Variants in LINGO2 observed in about 807,000 individuals in gnomAD.
LINGO2 encodes the protein leucine-rich repeat and immunoglobulin-like domain-containing nogo receptor-interacting protein 2.
In LINGO2, 14 loss-of-function variants were observed where a neutral mutation model predicts 30.6. The observed-to-expected ratio is 0.46, with a 90% CI of 0.30 to 0.72. LINGO2 has a LOEUF of 0.72. LINGO2 is among the 30% of genes least tolerant of loss of function. The pLI is 0.07. For missense variants in LINGO2, 729 were observed against 751.7 expected, an observed-to-expected ratio of 0.97 and a Z score of 0.35; for synonymous variants, 317 against 288.5, an observed-to-expected ratio of 1.10 and a Z score of -1.00.
intron 4 of LINGO2, among the ~76,000 whole-genome samples, chr9:28,233,236 T>A (rs769716982): frequency 6.6e-5 from 10 of 151,710 alleles, no homozygotes; most frequent in Non-Finnish European, 1.2e-4. Flanking sequence ...TCCCATTCCC[T>A]TTAATAAGTG....
At chr9:28,930,199 T>A in the LINGO2 span, among the ~76,000 whole-genome samples, 1 of 152,028 alleles carries the variant, frequency 6.6e-6, no homozygotes, top group African/African-American at 2.4e-5. This position sits in a 1 kb window ranked among gnomAD's most constrained non-coding sequence, Gnocchi z 4.2. Context: ...GTACTTCTCA[T>A]GCACAAGGGG....
At chr9:29,098,270 C>T in the LINGO2 span, among the ~76,000 whole-genome samples, 1 of 152,252 alleles carries the variant, frequency 6.6e-6, no homozygotes, top group Admixed American at 6.5e-5. Flanking sequence ...CTCCTGGAGT[C>T]TCATCCGTGT....
At chr9:29,110,624 G>A in the LINGO2 span, among the ~76,000 whole-genome samples, 2 of 151,948 alleles carry the variant, frequency 1.3e-5, no homozygotes, top group Admixed American at 6.6e-5. Flanking sequence ...ATGAGCCACC[G>A]CGCCCGGCCA....
At chr9:28,171,990 C>G (rs1259552748) in intron 4 of LINGO2, among the ~76,000 whole-genome samples, 1 of 117,498 alleles carries the variant, frequency 8.5e-6, no homozygotes, top group African/African-American at 3.2e-5. Context: ...TGCACTCCAG[C>G]CTGGTGACAG....
the LINGO2 span, among the ~76,000 whole-genome samples, chr9:28,791,276 T>A: frequency 6.6e-6 from 1 of 152,044 alleles, no homozygotes; most frequent in Non-Finnish European, 1.5e-5. Context: ...TTAAAGGAGT[T>A]TCTGGCTCTA....
At chr9:29,187,481 T>G in the LINGO2 span, among the ~76,000 whole-genome samples, 1 of 152,246 alleles carries the variant, frequency 6.6e-6, no homozygotes, top group Non-Finnish European at 1.5e-5. Flanking sequence ...CATTAAATTT[T>G]TCAATCCAAT....
At chr9:28,529,898 A>G (rs1405987598) in intron 1 of LINGO2, among the ~76,000 whole-genome samples, 2 of 152,086 alleles carry the variant, frequency 1.3e-5, no homozygotes, top group East Asian at 1.9e-4. Flanking sequence ...TACTTCTTTT[A>G]TCTAACTGGT....
chr9:28,147,058 G>A lies in LINGO2; in HGVS notation c.-86-134653C>T, dbSNP rs551010049. ...TGGGATGGTGCTGTGCTGACAACTG[G>A]TAATTCCTGCCCTACATCTTTGTAG... On this transcript the variant is annotated intron_variant, in intron 4 of 5. Transcript: ENST00000379992. The surrounding 1 kb of genome is among the most constrained non-coding windows in gnomAD (Gnocchi z 4.7). 6.6e-6 allele frequency among the ~76,000 whole-genome samples: 1 copy of A among 152,274 alleles called. No homozygotes were observed. The highest frequency in any genetic ancestry group is 2.1e-4 in the South Asian group (1 of 4,822).
Position 28,233,056 on chromosome 9 carries a change from ATATAT to A in LINGO2, c.-87+62147_-87+62151del, listed in dbSNP as rs1821423777. Among the ~76,000 whole-genome samples, 12 of 123,790 alleles carry A rather than the reference ATATAT, an allele frequency of 9.7e-5. No homozygotes were observed. The East Asian group carries it at 1.5e-3, about 16-fold the overall frequency. The allele number at this position is 123,790 out of a possible 152,430, so 81.2% of individuals were successfully genotyped here. A position where few individuals can be genotyped will look rare whatever the true frequency, so the allele number is the denominator to read the frequency against. ...TATATATATATATATATATATATAT[ATATAT>A]TAGATATATAATAGATATACAGTAA... On this transcript the variant is annotated intron_variant, in intron 4 of 5. Coordinates refer to ENST00000379992, the Ensembl canonical transcript of LINGO2.
At chr9:28,266,168 G>C (rs1364685156) in intron 4 of LINGO2, among the ~76,000 whole-genome samples, 1 of 151,880 alleles carries the variant, frequency 6.6e-6, no homozygotes, top group Non-Finnish European at 1.5e-5. Flanking sequence ...TTTCTCTTTA[G>C]TGAAATGAGA....
intron 4 of LINGO2, among the ~76,000 whole-genome samples, chr9:28,208,908 A>G (rs1820500425): frequency 6.6e-6 from 1 of 151,828 alleles, no homozygotes; most frequent in Non-Finnish European, 1.5e-5. Context: ...TCCATTTCCC[A>G]TCATTTTATT....
intron 4 of LINGO2, among the ~76,000 whole-genome samples, chr9:28,242,052 C>A (rs1229971148): frequency 6.6e-6 from 1 of 152,082 alleles, no homozygotes; most frequent in African/African-American, 2.4e-5. Flanking sequence ...CCCAAAAGGC[C>A]AGAGTGCCTC....
chr9:28,718,107 A>G, the LINGO2 span, among the ~76,000 whole-genome samples: 26 of 152,052 alleles, frequency 1.7e-4, no homozygotes, highest in Non-Finnish European at 3.4e-4. Flanking sequence ...TAATTTCAAC[A>G]AAGAACATTA....
chr9:28,125,115 CA>C (rs1424250930), intron 4 of LINGO2, among the ~76,000 whole-genome samples: 1 of 152,168 alleles, frequency 6.6e-6, no homozygotes, highest in Non-Finnish European at 1.5e-5. Flanking sequence ...GTGAAGAGAA[CA>C]TATATTCTTC....
At chr9:28,858,389 C>T in the LINGO2 span, among the ~76,000 whole-genome samples, 1 of 151,856 alleles carries the variant, frequency 6.6e-6, no homozygotes, top group South Asian at 2.1e-4. Flanking sequence ...TGCTCCTGAC[C>T]CCAATGTAGA....
chr9:28,878,210 C>G, the LINGO2 span, among the ~76,000 whole-genome samples: 1 of 152,050 alleles, frequency 6.6e-6, no homozygotes, highest in Non-Finnish European at 1.5e-5. Flanking sequence ...CTACAAACAC[C>G]TCTATGCAAA....
rs1822590391 is a variant in LINGO2 at position 28,262,260 on chromosome 9, CT to C, written c.-87+32947del. 7.5e-5 allele frequency among the ~76,000 whole-genome samples: 6 copies of C among 79,476 alleles called. No individual in the cohort carries two copies. The South Asian group carries it at 2.1e-3, about 28-fold the overall frequency. The allele number at this position is 79,476 out of a possible 152,430, so 52.1% of individuals were successfully genotyped here. On this transcript the variant is annotated intron_variant, in intron 4 of 5. Coordinates refer to ENST00000379992, the Ensembl canonical transcript of LINGO2. ...AGTACTTGACACCTACTAGTCCTTA[CT>C]GAATATTACTTTTTTTTTTGTCTAT... is the stretch of plus-strand genomic sequence containing the variant.
At chr9:29,024,713 G>A in the LINGO2 span, among the ~76,000 whole-genome samples, 1 of 152,104 alleles carries the variant, frequency 6.6e-6, no homozygotes, top group South Asian at 2.1e-4. Context: ...TGTGTCTCCT[G>A]CATAATGACA....
At chr9:28,787,271 T>A in the LINGO2 span, among the ~76,000 whole-genome samples, 142 of 152,258 alleles carry the variant, frequency 9.3e-4, 1 homozygote, top group African/African-American at 3.2e-3. Context: ...AAAGATCTTG[T>A]ACACTACAAA....
Sources: gnomAD v4.1 joint callset for allele counts (sites outside exome capture counted in the v4.1 genomes callset) on GRCh38, gnomAD v4.1.1 for gene constraint, Gnocchi (gnomAD v3.1) non-coding constraint, MANE v1.5 for transcripts, NCBI Gene and HGNC (gene_info 2026-07-23, HGNC 2026-07-21) for gene names.